ACTN3: variants seen among roughly 807,000 people sequenced by gnomAD.
ACTN3 encodes the protein actinin alpha 3.
ACTN3 carries 91 observed loss-of-function variants against 119.6 expected under a neutral mutation model. The ratio of observed to expected loss-of-function variants is 0.76; its 90% CI spans 0.64 to 0.91. The LOEUF (loss-of-function observed/expected upper bound fraction) is 0.91. Among genes scored for constraint, ACTN3 ranks in the 40% least tolerant of loss-of-function variants. The probability of loss-of-function intolerance (pLI) is 0.00; values close to 1 mark genes in which losing one functional copy is unlikely to be tolerated. For synonymous variants in ACTN3, 456 were observed against 478.8 expected (o/e 0.95, Z 0.62); for missense variants, 1,221 against 1,215.1 (o/e 1.00, Z -0.07).
intron 1 of ACTN3, 110 bp downstream of exon 1, chr11:66,547,194 C>A (rs1182580645): frequency 1.5e-5 from 19 of 1,275,170 alleles, no homozygotes; most frequent in Non-Finnish European, 1.5e-5. Context: ...ACCTAGAGTG[C>A]TAATCCCCAG....
At chr11:66,549,884 C>G (rs1218849617) in intron 1 of ACTN3, among the ~76,000 whole-genome samples, 1 of 152,056 alleles carries the variant, frequency 6.6e-6, no homozygotes, top group African/African-American at 2.4e-5. Flanking sequence ...AGGTTCCCAT[C>G]AAGTTGTACT....
chr11:66,550,267 C>G (rs1041737143), intron 1 of ACTN3, among the ~76,000 whole-genome samples: 1 of 152,172 alleles, frequency 6.6e-6, no homozygotes, highest in African/African-American at 2.4e-5. Context: ...TGGAGCCCAC[C>G]CTGACTCTAC....
At chr11:66,552,235 C>T (rs765474797) in intron 3 of ACTN3, among the ~76,000 whole-genome samples, 23 of 151,144 alleles carry the variant, frequency 1.5e-4, no homozygotes, top group Admixed American at 7.9e-4. Flanking sequence ...CTGGGTGTGG[C>T]GGCGCGTGGC....
chr11:66,550,614 G>C (rs1857449752), intron 1 of ACTN3, among the ~76,000 whole-genome samples: 1 of 152,180 alleles, frequency 6.6e-6, no homozygotes, highest in Non-Finnish European at 1.5e-5. Context: ...CCAGGAGCTT[G>C]AGACAAGCCT....
At chr11:66,558,506 C>T (rs150945945) in intron 11 of ACTN3, among the ~76,000 whole-genome samples, 2 of 152,248 alleles carry the variant, frequency 1.3e-5, no homozygotes, top group African/African-American at 4.8e-5. Context: ...TAGCTGGGAC[C>T]ACAGGCGTGC....
At chr11:66,553,853 C>CAAAAAAA (rs11448724) in intron 3 of ACTN3, among the ~76,000 whole-genome samples, 192 bp from the exon 4 acceptor site, 11 of 81,588 alleles carry the variant, frequency 1.3e-4, no homozygotes, top group African/African-American at 2.3e-4. Context: ...GACTCCATCT[C>CAAAAAAA]AAAAAAAAAA....
chr11:66,548,675 T>G (rs1156453140), intron 1 of ACTN3, among the ~76,000 whole-genome samples: 1 of 152,118 alleles, frequency 6.6e-6, no homozygotes, highest in Admixed American at 6.5e-5. Context: ...TATGCTCCCT[T>G]TCTCCCCAGT....
rs184183759 is a variant in ACTN3 at position 66,548,200 on chromosome 11, C to T, written c.147+1116C>T. Among the ~76,000 whole-genome samples the T allele has an allele frequency of 2.6e-4, 40 of 152,200 alleles. 1 individual carries two copies. Among genetic ancestry groups the T allele is most frequent in the East Asian group, 7.7e-4 (4 of 5,188 alleles). ...GATGACCCCAAGGGCCGAGAGGCTC[C>T]GCTGACTCGGCTGGGGTGCCCCGGG... is the stretch of plus-strand genomic sequence containing the variant. On this transcript the variant is annotated intron_variant, in intron 1 of 20. Coordinates refer to ENST00000513398, the MANE Select transcript of ACTN3 (RefSeq NM_001104.4).
intron 5 of ACTN3, among the ~76,000 whole-genome samples, chr11:66,554,922 CT>C (rs1482841201): frequency 1.3e-5 from 2 of 152,182 alleles, no homozygotes; most frequent in African/African-American, 4.8e-5. Flanking sequence ...CTGGTCGGGC[CT>C]AAGCATGAGT....
At chr11:66,549,060 G>A (rs1857421437) in intron 1 of ACTN3, among the ~76,000 whole-genome samples, 1 of 152,126 alleles carries the variant, frequency 6.6e-6, no homozygotes, top group African/African-American at 2.4e-5. Context: ...CCCCAGCTTA[G>A]CACCCAAGAT....
rs1325522883 is a variant in ACTN3 at position 66,552,872 on chromosome 11, TCTCTCTCTCACACA to T, written c.383-1171_383-1158del. 2.1e-3 allele frequency among the ~76,000 whole-genome samples: 162 copies of T among 76,602 alleles called. 1 individual carries two copies. Among genetic ancestry groups the T allele is most frequent in the East Asian group, 0.018 (51 of 2,812 alleles). 50.3% of individuals were successfully genotyped at this position (76,602 alleles called of 152,430 possible). A position where few individuals can be genotyped will look rare whatever the true frequency, so the allele number is the denominator to read the frequency against. ...CTCTGTCTCTCTCTCTCTCTCTCTCTCTCTCTCTCACACACACACACACACACACACACACACAC... is the reference window on the plus strand; with the variant it reads ...CTCTGTCTCTCTCTCTCTCTCTCTCTCACACACACACACACACACACACAC... On this transcript the variant is annotated intron_variant, in intron 3 of 20. Transcript: ENST00000513398.
chr11:66,559,489 C>T lies in ACTN3; in HGVS notation c.1427+103C>T, dbSNP rs1034541746. 7.3e-6 allele frequency: 9 copies of T among 1,230,002 alleles called. No homozygotes were observed. The African/African-American group carries it at 7.7e-5, about 11-fold the overall frequency. 76.2% of individuals were successfully genotyped at this position (1,230,002 alleles called of 1,614,324 possible). ...TGCCCTTCTCAAGACACTAGGCTCT[C>T]CTGGGTTCTGTAACCCCGCCGTGGT... On this transcript the variant is annotated intron_variant, in intron 12 of 20. Coordinates refer to ENST00000513398, the MANE Select transcript of ACTN3 (RefSeq NM_001104.4).
intron 12 of ACTN3, 144 bp downstream of exon 12, chr11:66,559,530 G>T: frequency 1.2e-6 from 1 of 814,082 alleles, no homozygotes; most frequent in Non-Finnish European, 1.8e-6. Context: ...GGTCCCATTC[G>T]CTCCGCCCCT....
chr11:66,562,006 G>A lies in ACTN3; in HGVS notation c.2176-16G>A, dbSNP rs1857783612. The A allele has an allele frequency of 1.3e-6, 2 of 1,594,228 alleles. No homozygotes were observed. The highest frequency in any genetic ancestry group is 2.3e-5 in the East Asian group (1 of 43,612). ...ACTGGCCGCCCACTGACAGTGGCCT[G>A]TCCCCTGACCGCCAGCACATCCGCG... On this transcript the variant is annotated splice_polypyrimidine_tract_variant and intron_variant, in intron 17 of 20. Coordinates refer to ENST00000513398, the MANE Select transcript of ACTN3 (RefSeq NM_001104.4).
chr11:66,561,339 C>T lies in ACTN3; in HGVS notation c.1973C>T (p.Pro658Leu). 1 of 1,611,610 alleles carries T rather than the reference C, an allele frequency of 6.2e-7. No individual in the cohort carries two copies. Among genetic ancestry groups the T allele is most frequent in the South Asian group, 1.1e-5 (1 of 90,692 alleles). Residue 658 changes from proline to leucine, a missense_variant, in exon 16 of 21, where the codon CCC becomes CTC. Pro to Leu is a moderately conservative substitution (Grantham distance 98). Transcript: ENST00000513398. Reference sequence around the variant, plus strand: ...GCGGCCCAGGCCAATGCCATTGGACCCTGGATCCAGGCGAAGGTGGAGGTA... The same window carrying T: ...GCGGCCCAGGCCAATGCCATTGGACTCTGGATCCAGGCGAAGGTGGAGGTA... ...QFAAQANAIG[P>L]WIQAKVEEVG...
intron 14 of ACTN3, 88 bp downstream of exon 14, chr11:66,560,399 T>C: frequency 6.6e-7 from 1 of 1,517,446 alleles, no homozygotes; most frequent in Non-Finnish European, 8.9e-7. Context: ...TCCTGGGGCA[T>C]AGGGATGGGA....
intron 6 of ACTN3, 28 bp from the exon 7 acceptor site, chr11:66,555,258 T>A: frequency 6.2e-7 from 1 of 1,613,924 alleles, no homozygotes; most frequent in Non-Finnish European, 8.5e-7. Context: ...CAGCTGACCT[T>A]TCACCCTCCT....
Position 66,554,630 on chromosome 11 carries a change from C to A in ACTN3, c.557+7C>A. Reference sequence around the variant, plus strand: ...TGCAGAACTTCCACACCAGGTCTGTCAGGTGGTTACCAAATGTGTCTGGGC... The same window carrying A: ...TGCAGAACTTCCACACCAGGTCTGTAAGGTGGTTACCAAATGTGTCTGGGC... On this transcript the variant is annotated splice_region_variant and intron_variant, in intron 5 of 20. Transcript: ENST00000513398. The A allele has an allele frequency of 6.2e-7, 1 of 1,607,032 alleles. No individual in the cohort carries two copies. Among genetic ancestry groups the A allele is most frequent in the African/African-American group, 1.3e-5 (1 of 74,854 alleles).
At chr11:66,562,352 T>C in intron 19 of ACTN3, 30 bp downstream of exon 19, 1 of 1,608,324 alleles carries the variant, frequency 6.2e-7, no homozygotes, top group Non-Finnish European at 8.5e-7. Flanking sequence ...TTCCCAGGAG[T>C]CCCAAAGTAC....
Sources: allele counts gnomAD v4.1 joint callset (sites outside exome capture counted in the v4.1 genomes callset), GRCh38; gene constraint gnomAD v4.1.1; transcripts MANE v1.5; gene names NCBI Gene and HGNC (gene_info 2026-07-23, HGNC 2026-07-21).